Variants in TENM3 observed in about 807,000 individuals in gnomAD.
The protein encoded by TENM3 is teneurin transmembrane protein 3, also known as teneurin-3.
TENM3 carries 63 observed loss-of-function variants against 255.1 expected under a neutral mutation model. That is an observed-to-expected ratio of 0.25 (90% confidence interval 0.20 to 0.30). TENM3 has a LOEUF of 0.30. Ranked by LOEUF, TENM3 falls within the 10% of genes least tolerant of loss-of-function variation. The probability of loss-of-function intolerance (pLI) is 1.00; values close to 1 mark genes in which losing one functional copy is unlikely to be tolerated. For missense variants in TENM3, 2,929 were observed against 3,461.1 expected, an observed-to-expected ratio of 0.85 and a Z score of 3.86; for synonymous variants, 1,306 against 1,322.3, an observed-to-expected ratio of 0.99 and a Z score of 0.27.
chr4:181,554,953 C>T, the TENM3 span, among the ~76,000 whole-genome samples: 3 of 152,176 alleles, frequency 2.0e-5, 1 homozygote, highest in South Asian at 6.2e-4. Flanking sequence ...TGCGTCTCTG[C>T]ACTTAGCCAG....
At chr4:181,727,789 T>A in the TENM3 span, among the ~76,000 whole-genome samples, 2 of 152,308 alleles carry the variant, frequency 1.3e-5, no homozygotes, top group African/African-American at 2.4e-5. Context: ...ATACGTTTTT[T>A]AAATTATATA....
the TENM3 span, among the ~76,000 whole-genome samples, chr4:182,007,603 G>A: frequency 6.6e-6 from 1 of 151,778 alleles, no homozygotes; most frequent in Admixed American, 6.6e-5. Flanking sequence ...CCTTTATGTT[G>A]AGCCTATGTG....
At chr4:182,757,620 A>G (rs927886103) in intron 22 of TENM3, among the ~76,000 whole-genome samples, 2 of 152,174 alleles carry the variant, frequency 1.3e-5, no homozygotes, top group Non-Finnish European at 2.9e-5. Flanking sequence ...GTGGGATAGT[A>G]TAAACCAATT....
At chr4:182,130,332 C>G in the TENM3 span, among the ~76,000 whole-genome samples, 4 of 152,060 alleles carry the variant, frequency 2.6e-5, no homozygotes, top group African/African-American at 7.2e-5. Flanking sequence ...AATTTGATAT[C>G]TAAAAAGAAA....
chr4:182,071,524 C>G, the TENM3 span, among the ~76,000 whole-genome samples: 1 of 150,334 alleles, frequency 6.7e-6, no homozygotes, highest in Non-Finnish European at 1.5e-5. Context: ...CGGCTCGCTG[C>G]AACCTCCATC....
chr4:181,770,305 A>G, the TENM3 span, among the ~76,000 whole-genome samples: 9 of 152,190 alleles, frequency 5.9e-5, no homozygotes, highest in Non-Finnish European at 1.3e-4. Flanking sequence ...TTACATTACG[A>G]TTGAAAAAAT....
At chr4:181,835,474 A>C in the TENM3 span, among the ~76,000 whole-genome samples, 1 of 152,148 alleles carries the variant, frequency 6.6e-6, no homozygotes, top group African/African-American at 2.4e-5. Context: ...CATAATGATC[A>C]CAGTAATTAC....
the TENM3 span, among the ~76,000 whole-genome samples, chr4:181,933,166 A>T: frequency 1.3e-5 from 2 of 152,184 alleles, no homozygotes; most frequent in African/African-American, 4.8e-5. Flanking sequence ...AGTGTAATAA[A>T]AAATAAAATA....
At chr4:181,645,389 C>G in the TENM3 span, among the ~76,000 whole-genome samples, 1 of 152,186 alleles carries the variant, frequency 6.6e-6, no homozygotes, top group Non-Finnish European at 1.5e-5. Flanking sequence ...GTCCTGGGAA[C>G]TCAGGAGGAG....
At chr4:181,534,824 C>CCATAGCTTTT in the TENM3 span, among the ~76,000 whole-genome samples, 1 of 152,132 alleles carries the variant, frequency 6.6e-6, no homozygotes, top group African/African-American at 2.4e-5. Context: ...TAGGCAGGTC[C>CCATAGCTTTT]CATAGCTTTT....
intron 1 of TENM3, among the ~76,000 whole-genome samples, chr4:182,271,218 C>T (rs180929737): frequency 6.6e-6 from 1 of 152,260 alleles, no homozygotes; most frequent in East Asian, 1.9e-4. Flanking sequence ...AGCTAGTTAT[C>T]GCCTTACAGC....
At chr4:182,747,567 A>G (rs1469206423) in intron 19 of TENM3, among the ~76,000 whole-genome samples, 1 of 152,202 alleles carries the variant, frequency 6.6e-6, no homozygotes, top group Admixed American at 6.5e-5. Context: ...ATATGTAGTA[A>G]GTTTTACCTC....
chr4:182,476,524 A>G (rs970934413), intron 3 of TENM3, among the ~76,000 whole-genome samples: 5 of 152,218 alleles, frequency 3.3e-5, no homozygotes, highest in African/African-American at 7.2e-5. Context: ...AGTCCATTCT[A>G]TGTTTTCAAG....
At chr4:182,015,385 T>C in the TENM3 span, among the ~76,000 whole-genome samples, 1 of 152,192 alleles carries the variant, frequency 6.6e-6, no homozygotes, top group African/African-American at 2.4e-5. Flanking sequence ...GAAAGAAAGG[T>C]CGCATTTAAA....
the TENM3 span, among the ~76,000 whole-genome samples, chr4:182,081,583 CAAA>C: frequency 1.7e-3 from 147 of 87,506 alleles, no homozygotes; most frequent in Middle Eastern, 8.2e-3. Flanking sequence ...GGCTCTGCCT[CAAA>C]AAAAAAAAAA....
intron 1 of TENM3, among the ~76,000 whole-genome samples, chr4:182,231,548 C>T (rs1198085262): frequency 3.3e-5 from 5 of 152,144 alleles, no homozygotes; most frequent in Admixed American, 2.0e-4. Flanking sequence ...TGCTTATGAC[C>T]TTAAAAAGTG....
At chr4:182,511,750 T>A (rs1320302222) in intron 3 of TENM3, among the ~76,000 whole-genome samples, 1 of 152,214 alleles carries the variant, frequency 6.6e-6, no homozygotes, top group Non-Finnish European at 1.5e-5. Flanking sequence ...TTTTTAAAAC[T>A]ATGGCCTTAA....
intron 1 of TENM3, among the ~76,000 whole-genome samples, chr4:182,219,101 A>T (rs536775352): frequency 1.3e-5 from 2 of 152,286 alleles, no homozygotes; most frequent in South Asian, 2.1e-4. Flanking sequence ...GGGCACCTGT[A>T]GTCTCAGCTA....
chr4:182,638,447 G>A (rs1581179392), intron 5 of TENM3, among the ~76,000 whole-genome samples: 1 of 152,020 alleles, frequency 6.6e-6, no homozygotes, highest in East Asian at 1.9e-4. Flanking sequence ...TCATTTTCAT[G>A]ATTGAGTTGG....
Sources: allele counts gnomAD v4.1 joint callset (sites outside exome capture counted in the v4.1 genomes callset), GRCh38; gene constraint gnomAD v4.1.1; transcripts MANE v1.5; gene names NCBI Gene and HGNC (gene_info 2026-07-23, HGNC 2026-07-21).